Variants in PEX5L observed in about 807,000 individuals in gnomAD.
The protein encoded by PEX5L is PEX5-related protein.
A neutral mutation model predicts 84.0 loss-of-function variants in PEX5L; 30 were observed. The ratio of observed to expected loss-of-function variants is 0.36; its 90% CI spans 0.27 to 0.48. PEX5L has a LOEUF of 0.48. Ranked by LOEUF, PEX5L falls within the 20% of genes least tolerant of loss-of-function variation. The pLI, the probability that PEX5L is intolerant of heterozygous loss-of-function variation, is 0.99. For synonymous variants in PEX5L, 270 were observed against 283.1 expected (o/e 0.95, Z 0.46); for missense variants, 533 against 754.6 (o/e 0.71, Z 3.44).
chr3:179,861,247 A>T (rs961711357), intron 7 of PEX5L, among the ~76,000 whole-genome samples: 2 of 152,252 alleles, frequency 1.3e-5, no homozygotes, highest in East Asian at 3.8e-4. Flanking sequence ...GCGTGAATGA[A>T]TTAAAGATAT....
At chr3:179,944,596 C>A (rs1440047534) in intron 2 of PEX5L, among the ~76,000 whole-genome samples, 1 of 152,150 alleles carries the variant, frequency 6.6e-6, no homozygotes, top group East Asian at 1.9e-4. Context: ...CAATAAATGT[C>A]TTTTTTGAAA....
At chr3:180,011,383 T>A (rs1789465042) in intron 1 of PEX5L, among the ~76,000 whole-genome samples, 1 of 152,206 alleles carries the variant, frequency 6.6e-6, no homozygotes, top group Non-Finnish European at 1.5e-5. Context: ...TTACACTAAT[T>A]ACCAAAAAGG....
At chr3:179,837,567 C>T (rs536548593) in intron 8 of PEX5L, among the ~76,000 whole-genome samples, 7 of 152,316 alleles carry the variant, frequency 4.6e-5, no homozygotes, top group East Asian at 1.9e-4. Context: ...TTAGTCCACC[C>T]GGTGGCTAAC....
intron 8 of PEX5L, among the ~76,000 whole-genome samples, chr3:179,854,566 A>G (rs182135932): frequency 8.5e-5 from 13 of 152,338 alleles, no homozygotes; most frequent in Admixed American, 5.2e-4. Context: ...TGTATGCTTC[A>G]GGCAGAATTG....
intron 1 of PEX5L, chr3:179,973,411 T>C (rs1487881057): frequency 5.2e-5 from 58 of 1,108,372 alleles, no homozygotes; most frequent in Non-Finnish European, 6.3e-5. Flanking sequence ...AATTTTTGGC[T>C]AGCACAAAAA....
chr3:179,806,007 A>G (rs945106102), intron 14 of PEX5L, among the ~76,000 whole-genome samples: 6 of 150,106 alleles, frequency 4.0e-5, no homozygotes, highest in African/African-American at 7.3e-5. Flanking sequence ...TAAAATATAC[A>G]TAGTATATAT....
chr3:179,952,651 A>G (rs907082206), intron 2 of PEX5L, among the ~76,000 whole-genome samples: 1 of 152,214 alleles, frequency 6.6e-6, no homozygotes. Flanking sequence ...AGGAAAAATC[A>G]ATATTGTGAA....
chr3:179,952,780 G>A (rs1340654292), intron 2 of PEX5L, among the ~76,000 whole-genome samples: 2 of 152,084 alleles, frequency 1.3e-5, no homozygotes, highest in African/African-American at 4.8e-5. Flanking sequence ...CAAAAAAAGA[G>A]CCCGTATAGC....
intron 8 of PEX5L, among the ~76,000 whole-genome samples, chr3:179,821,071 A>C (rs1728340803): frequency 6.6e-6 from 1 of 152,128 alleles, no homozygotes. Flanking sequence ...GGCCTTGGAT[A>C]GCTGTTAGTG....
chr3:179,848,817 G>A (rs113923421), intron 8 of PEX5L, among the ~76,000 whole-genome samples: 1 of 152,152 alleles, frequency 6.6e-6, no homozygotes, highest in Non-Finnish European at 1.5e-5. Context: ...GGGGATGGTG[G>A]TGCTGTGGTG....
At chr3:179,973,100 A>T in intron 1 of PEX5L, 3 of 987,152 alleles carry the variant, frequency 3.0e-6, no homozygotes, top group Non-Finnish European at 3.9e-6. Flanking sequence ...TTTTGTCTAG[A>T]GTGTCTCTAA....
At chr3:179,840,608 A>G (rs576393043) in intron 8 of PEX5L, among the ~76,000 whole-genome samples, 1 of 152,248 alleles carries the variant, frequency 6.6e-6, no homozygotes, top group African/African-American at 2.4e-5. Flanking sequence ...GAGACAAAGT[A>G]GGAGGCCATA....
chr3:179,981,052 G>A, intron 1 of PEX5L, among the ~76,000 whole-genome samples: 1 of 151,394 alleles, frequency 6.6e-6, no homozygotes, highest in East Asian at 1.9e-4. Context: ...TAAAACAGCA[G>A]AGTCTCAAGG....
chr3:179,936,064 G>T (rs1774495016), intron 2 of PEX5L, among the ~76,000 whole-genome samples: 1 of 152,122 alleles, frequency 6.6e-6, no homozygotes, highest in Admixed American at 6.5e-5. Flanking sequence ...TCCAGTCTCA[G>T]GTATCTTGTT....
intron 2 of PEX5L, among the ~76,000 whole-genome samples, chr3:179,915,906 G>T (rs1766893498): frequency 2.0e-5 from 3 of 152,170 alleles, no homozygotes; most frequent in Admixed American, 1.3e-4. Context: ...TACCAAAATA[G>T]TATTCAGCAT....
chr3:179,853,915 G>A lies in PEX5L; in HGVS notation c.822+5147C>T, dbSNP rs539478110. On this transcript the variant is annotated intron_variant, in intron 8 of 14. Transcript: ENST00000467460. ...TAGCCTCTACATCCTGGGCTCAAGC[G>A]ATCCTCCCACCTCAGCCTCCTGAGT... 6.4e-4 allele frequency among the ~76,000 whole-genome samples: 97 copies of A among 150,952 alleles called. 1 individual carries two copies. The highest frequency in any genetic ancestry group is 1.9e-3 in the South Asian group (9 of 4,730).
At chr3:179,814,707 A>T (rs1725357748) in intron 10 of PEX5L, among the ~76,000 whole-genome samples, 2 of 152,152 alleles carry the variant, frequency 1.3e-5, no homozygotes. Context: ...GTGGTCTCCC[A>T]GCCTCTGTCT....
intron 7 of PEX5L, among the ~76,000 whole-genome samples, chr3:179,873,969 C>T (rs1751244766): frequency 6.6e-6 from 1 of 152,054 alleles, no homozygotes; most frequent in South Asian, 2.1e-4. Context: ...ACTCAAGATG[C>T]AATTTCCTCT....
intron 2 of PEX5L, among the ~76,000 whole-genome samples, chr3:179,966,726 C>T (rs903113218): frequency 9.9e-5 from 15 of 152,168 alleles, no homozygotes; most frequent in African/African-American, 3.4e-4. Context: ...CTATTGGAGA[C>T]ACAAGGGTGA....
Sources: allele counts gnomAD v4.1 joint callset (sites outside exome capture counted in the v4.1 genomes callset), GRCh38; gene constraint gnomAD v4.1.1; transcripts MANE v1.5; gene names NCBI Gene and HGNC (gene_info 2026-07-23, HGNC 2026-07-21).